The following DYSF variants were observed in gnomAD, a reference collection of about 807,000 sequenced individuals.
The protein encoded by DYSF is dysferlin, also known as dystrophy-associated fer-1-like 1.
A neutral mutation model predicts 274.9 loss-of-function variants in DYSF; 212 were observed. The observed-to-expected ratio is 0.77, with a 90% confidence interval of 0.69 to 0.86. The LOEUF (loss-of-function observed/expected upper bound fraction) is 0.86. DYSF is among the 40% of genes least tolerant of loss of function. DYSF has a pLI of 0.00. For missense variants in DYSF, 2,666 were observed against 2,783.2 expected (o/e 0.96, Z 0.95); for synonymous variants, 1,091 against 1,078.7 (o/e 1.01, Z -0.22).
upstream of DYSF, among the ~76,000 whole-genome samples, chr2:71,463,846 T>A (rs1272181242): frequency 6.6e-6 from 1 of 152,108 alleles, no homozygotes; most frequent in African/African-American, 2.4e-5. Flanking sequence ...TAGAGTGGGA[T>A]CCATCCTGGA....
rs540938350 is a variant in DYSF at position 71,677,507 on chromosome 2, A to G, written c.5885-1550A>G. On this transcript the variant is annotated intron_variant, in intron 52 of 55. Transcript: ENST00000410020. ...AAATACAAGAATTTTCATATGGTTC[A>G]ACCTAATAGCTGAAGGTATCCTGGG... Among the ~76,000 whole-genome samples the G allele has an allele frequency of 6.6e-5, 10 of 152,302 alleles. No homozygotes were observed. The South Asian group carries it at 2.1e-3, about 32-fold the overall frequency.
intron 55 of DYSF, among the ~76,000 whole-genome samples, chr2:71,685,754 G>T (rs1232765959): frequency 6.6e-6 from 1 of 152,218 alleles, no homozygotes; most frequent in Non-Finnish European, 1.5e-5. Context: ...GGCCGGCTCT[G>T]TTTCCAGAGT....
At chr2:71,548,370 A>C (rs1301648640) in intron 17 of DYSF, among the ~76,000 whole-genome samples, 1 of 152,218 alleles carries the variant, frequency 6.6e-6, no homozygotes, top group Non-Finnish European at 1.5e-5. Flanking sequence ...TTTCTGGAGG[A>C]CAGCAACAGG....
Position 71,659,039 on chromosome 2 carries a change from T to A in DYSF, c.4911+6T>A. On this transcript the variant is annotated splice_donor_region_variant and intron_variant, in intron 44 of 55. Transcript: ENST00000410020. The stretch of plus-strand genomic sequence containing the variant: ...CCAAGGACCCCAATGGAAAGGTAAC[T>A]TTCCTAGAGCCCTCACCTCCCCCAG... 1 of 1,614,112 alleles carries A rather than the reference T, an allele frequency of 6.2e-7. No individual in the cohort carries two copies. The highest frequency in any genetic ancestry group is 8.5e-7 in the Non-Finnish European group (1 of 1,180,014).
In DYSF at chr2:71,503,252, T is replaced by TCGCCACCCCTAGTCTGTCCGC. The variant is rs1172863089; in HGVS notation, c.280_300dup (p.Ala94_Ala100dup). 9 of 1,613,990 alleles carry TCGCCACCCCTAGTCTGTCCGC rather than the reference T, an allele frequency of 5.6e-6. No homozygotes were observed. Among genetic ancestry groups the TCGCCACCCCTAGTCTGTCCGC allele is most frequent in the Admixed American group, 1.7e-5 (1 of 60,010 alleles). ...GCCAAGGTCCCACTCCGAGAGGTCCTCGCCACCCCTAGTCTGTCCGCCAGC... is the reference window on the plus strand; with the variant it reads ...GCCAAGGTCCCACTCCGAGAGGTCCTCGCCACCCCTAGTCTGTCCGCCGCCACCCCTAGTCTGTCCGCCAGC... On this transcript the variant is annotated inframe_insertion, in exon 4 of 56. Transcript: ENST00000410020.
intron 14 of DYSF, among the ~76,000 whole-genome samples, chr2:71,533,633 GTAGGATTCA>G (rs2088988082): frequency 6.6e-6 from 1 of 152,196 alleles, no homozygotes; most frequent in Non-Finnish European, 1.5e-5. Flanking sequence ...GTGTCTAGAG[GTAGGATTCA>G]TAGGGCAGTG....
chr2:71,660,704 A>G (rs924059561), intron 45 of DYSF, 53 bp downstream of exon 45: 9 of 1,473,692 alleles, frequency 6.1e-6, no homozygotes, highest in Non-Finnish European at 8.5e-6. Flanking sequence ...AGGATAACCC[A>G]CAGTCTAGTG....
intron 14 of DYSF, among the ~76,000 whole-genome samples, chr2:71,529,533 T>C (rs2088397935): frequency 6.6e-6 from 1 of 152,256 alleles, no homozygotes; most frequent in East Asian, 1.9e-4. Flanking sequence ...ATGTTCTGCA[T>C]GTCATATGGC....
intron 34 of DYSF, chr2:71,601,211 G>A (rs2093542386): frequency 3.4e-6 from 2 of 596,450 alleles, no homozygotes; most frequent in South Asian, 2.0e-5. Context: ...CCCTGGGCCA[G>A]CCACTCCCCT....
At chr2:71,638,338 A>G (rs892962289) in intron 41 of DYSF, among the ~76,000 whole-genome samples, 1 of 138,880 alleles carries the variant, frequency 7.2e-6, no homozygotes, top group African/African-American at 2.7e-5. Context: ...ACCGGAATCC[A>G]TTTTAGAATA....
At chr2:71,676,739 CT>C (rs1201120576) in intron 52 of DYSF, among the ~76,000 whole-genome samples, 1 of 152,066 alleles carries the variant, frequency 6.6e-6, no homozygotes, top group Admixed American at 6.6e-5. Flanking sequence ...CGAATACTAG[CT>C]TTTATATCCA....
rs1480969468 is a variant in DYSF, at chr2:71,667,551, AC to A, written c.5457+37del. On this transcript the variant is annotated intron_variant, in intron 48 of 55. Transcript: ENST00000410020. ...GACCCTTGGGTCCCAGAGTCCTCGA[AC>A]TCCAGAAAGCCCCAACCCCAGGGAC... 8 of 1,613,082 alleles carry A rather than the reference AC, an allele frequency of 5.0e-6. No individual in the cohort carries two copies. In the African/African-American group the frequency reaches 9.3e-5, roughly 19 times the overall value.
At chr2:71,612,533 GGCTGTGGGGATTATCT>G (rs2093787712) in intron 38 of DYSF, 92 bp from the exon 39 acceptor site, 1 of 1,529,026 alleles carries the variant, frequency 6.5e-7, no homozygotes, top group African/African-American at 1.4e-5. Flanking sequence ...TTGGATTTCT[GGCTGTGGGGATTATCT>G]GCGGTTTATA....
At chr2:71,492,849 T>C (rs2083988154) in intron 3 of DYSF, among the ~76,000 whole-genome samples, 1 of 152,060 alleles carries the variant, frequency 6.6e-6, no homozygotes, top group Non-Finnish European at 1.5e-5. Context: ...AGTTATCAAC[T>C]TCAGTAAATT....
intron 44 of DYSF, 59 bp from the exon 45 acceptor site, chr2:71,660,501 A>G: frequency 1.4e-6 from 2 of 1,444,502 alleles, no homozygotes; most frequent in Non-Finnish European, 1.9e-6. Context: ...GGCACTCATG[A>G]AGCCTCAAAG....
At position 71,670,147 on chromosome 2, in the gene DYSF, C is replaced by G. The variant is rs143280621; in HGVS notation, c.5784+401C>G. On this transcript the variant is annotated intron_variant, in intron 51 of 55. Transcript: ENST00000410020. ...CATCTCTGCATCCACCCCTTTTCCACTCTCTTCCACCATCTTTCCCATCCC... is the reference window on the plus strand; with the variant it reads ...CATCTCTGCATCCACCCCTTTTCCAGTCTCTTCCACCATCTTTCCCATCCC... Among the ~76,000 whole-genome samples the G allele has an allele frequency of 2.2e-3, 335 of 152,330 alleles. 1 individual carries two copies. The highest frequency in any genetic ancestry group is 7.6e-3 in the African/African-American group (316 of 41,556).
At position 71,656,611 on chromosome 2, in the gene DYSF, G is replaced by A. The variant is rs2094776574; in HGVS notation, c.4755+321G>A. On this transcript the variant is annotated intron_variant, in intron 43 of 55. Transcript: ENST00000410020. ...ATAAAGACACATTCAAGACTGGGAA[G>A]AAAAAGAGGTTTAATTGAACTTAGA... 3.9e-5 allele frequency among the ~76,000 whole-genome samples: 6 copies of A among 152,292 alleles called. No individual in the cohort carries two copies. The South Asian group carries it at 1.0e-3, about 26-fold the overall frequency.
chr2:71,464,205 T>G (rs758988164), upstream of DYSF, among the ~76,000 whole-genome samples: 86 of 152,192 alleles, frequency 5.7e-4, no homozygotes, highest in Non-Finnish European at 8.5e-4. Flanking sequence ...TCAGAGGTGA[T>G]GGGTGAATGT....
upstream of DYSF, among the ~76,000 whole-genome samples, chr2:71,465,190 TGA>T (rs1437654146): frequency 6.6e-6 from 1 of 151,648 alleles, no homozygotes; most frequent in Admixed American, 6.6e-5. Context: ...GGCAAGAGAG[TGA>T]GAGAATCACT....
Sources: gnomAD v4.1 joint callset for allele counts (sites outside exome capture counted in the v4.1 genomes callset) on GRCh38, gnomAD v4.1.1 for gene constraint, MANE v1.5 for transcripts, NCBI Gene and HGNC (gene_info 2026-07-23, HGNC 2026-07-21) for gene names.